MAPK10: variants seen among roughly 807,000 people sequenced by gnomAD.
MAPK10 encodes the protein mitogen-activated protein kinase 10, also known as JNK3 alpha protein kinase.
MAPK10 carries 25 observed loss-of-function variants against 59.3 expected under a neutral mutation model. The ratio of observed to expected loss-of-function variants is 0.42; its 90% CI spans 0.31 to 0.59. MAPK10 has a LOEUF of 0.59. Among genes scored for constraint, MAPK10 ranks in the 20% least tolerant of loss-of-function variants. The probability of loss-of-function intolerance (pLI) is 0.15; values close to 1 mark genes in which losing one functional copy is unlikely to be tolerated. For missense variants in MAPK10, 351 were observed against 568.9 expected (o/e 0.62, Z 3.90); for synonymous variants, 190 against 200.5 (o/e 0.95, Z 0.44).
intron 1 of MAPK10, among the ~76,000 whole-genome samples, chr4:86,431,995 G>T (rs1202884069): frequency 6.6e-6 from 1 of 152,164 alleles, no homozygotes; most frequent in African/African-American, 2.4e-5. Flanking sequence ...AGGAATGCTG[G>T]TCAGATGTTT....
At chr4:86,236,019 T>C (rs1270983045) in intron 2 of MAPK10, among the ~76,000 whole-genome samples, 1 of 152,132 alleles carries the variant, frequency 6.6e-6, no homozygotes, top group Non-Finnish European at 1.5e-5. Flanking sequence ...GCTTGCCTTT[T>C]TCAGAATCTG....
chr4:86,357,842 T>C (rs887812619), intron 1 of MAPK10: 1 of 153,154 alleles, frequency 6.5e-6, no homozygotes, highest in Non-Finnish European at 1.5e-5. Context: ...ACTGTGAGGA[T>C]TTTTTAAGAA....
At chr4:86,471,248 G>C (rs527590622) in intron 1 of MAPK10, among the ~76,000 whole-genome samples, 1 of 128,938 alleles carries the variant, frequency 7.8e-6, no homozygotes, top group East Asian at 2.2e-4. Context: ...CAGCCTGAGC[G>C]ACACAGCAAG....
chr4:86,101,196 C>T lies in MAPK10; in HGVS notation c.586G>A (p.Val196Ile). ...TTCAATGTGCAATCAGACTTGACTA[C>T]AATGTTACTTGGTTTTAAATCCTAA... ...IHRDLKPSNI[V>I]VKSDCTLKIL... The change falls in exon 8 of 14, where the codon GTA becomes ATA. Residue 196 changes from valine to isoleucine, a missense_variant. Val to Ile is a conservative substitution (Grantham distance 29, BLOSUM62 3). Transcript: ENST00000641462. 6.2e-7 allele frequency: 1 copy of T among 1,613,668 alleles called. No homozygotes were observed. The highest frequency in any genetic ancestry group is 8.5e-7 in the Non-Finnish European group (1 of 1,179,818).
At chr4:86,060,872 T>C (rs1256786618) in intron 11 of MAPK10, among the ~76,000 whole-genome samples, 1 of 152,168 alleles carries the variant, frequency 6.6e-6, no homozygotes, top group Non-Finnish European at 1.5e-5. Context: ...AGAAATGTTG[T>C]GGAATATTTC....
chr4:86,146,478 G>A (rs924464768), intron 4 of MAPK10, among the ~76,000 whole-genome samples: 1 of 152,080 alleles, frequency 6.6e-6, no homozygotes, highest in East Asian at 1.9e-4. Context: ...CTTTTCTTGG[G>A]CACACAGCTC....
chr4:86,023,847 ATAT>A (rs1326945776), intron 13 of MAPK10: 62 of 128,240 alleles, frequency 4.8e-4, no homozygotes, highest in Admixed American at 3.3e-3. Flanking sequence ...ATATATATAT[ATAT>A]AAAATGAATG....
chr4:86,310,294 G>A (rs1282531133), intron 2 of MAPK10, among the ~76,000 whole-genome samples: 1 of 152,104 alleles, frequency 6.6e-6, no homozygotes, highest in South Asian at 2.1e-4. Context: ...TGTGTCACAG[G>A]CCCATCCTAA....
upstream of MAPK10, among the ~76,000 whole-genome samples, chr4:86,362,157 C>T (rs919905593): frequency 6.6e-6 from 1 of 151,934 alleles, no homozygotes; most frequent in Non-Finnish European, 1.5e-5. Context: ...TAAATATATA[C>T]AATTATTGTC....
At position 86,013,648 on chromosome 4, in the gene MAPK10, A is replaced by C. The variant is rs1323033849; in HGVS notation, c.*3580T>G. 2 of 151,914 alleles carry C rather than the reference A, an allele frequency of 1.3e-5. No individual in the cohort carries two copies. Among genetic ancestry groups the C allele is most frequent in the Non-Finnish European group, 2.9e-5 (2 of 67,960 alleles). 9.4% of individuals were successfully genotyped at this position (151,914 alleles called of 1,614,324 possible). On this transcript the variant is annotated 3_prime_UTR_variant, in exon 14 of 14. Coordinates refer to ENST00000641462, the MANE Select transcript of MAPK10 (RefSeq NM_138982.4). ...TAAAAGGTTTTACATATTTTTATCT[A>C]TTTTTTACTAGTTCCATTTACTAAG...
At chr4:86,274,548 C>T (rs1178783636) in intron 2 of MAPK10, among the ~76,000 whole-genome samples, 1 of 151,700 alleles carries the variant, frequency 6.6e-6, no homozygotes, top group Non-Finnish European at 1.5e-5. Context: ...TCCTATCTTG[C>T]TTTTCTCTTG....
chr4:86,381,964 T>G lies in MAPK10; in HGVS notation c.-121-27320A>C, dbSNP rs535850670. ...TGGGAGAATAAAACCCTTGACATTG[T>G]TTTTCCTCCCTCCTCAGGGTTTCTC... On this transcript the variant is annotated intron_variant, in intron 1 of 13. Coordinates refer to the MAPK10 transcript ENST00000361569. 2.6e-5 allele frequency among the ~76,000 whole-genome samples: 4 copies of G among 152,086 alleles called. No individual in the cohort carries two copies. The South Asian group carries it at 8.3e-4, about 32-fold the overall frequency.
At chr4:86,087,830 ATCC>A (rs2052231368) in intron 9 of MAPK10, among the ~76,000 whole-genome samples, 1 of 152,138 alleles carries the variant, frequency 6.6e-6, no homozygotes, top group Admixed American at 6.5e-5. Context: ...ACAAATATTA[ATCC>A]TCAAGTGTGT....
intron 1 of MAPK10, among the ~76,000 whole-genome samples, chr4:86,509,848 C>T (rs184205460): frequency 6.2e-4 from 94 of 152,170 alleles, no homozygotes; most frequent in Non-Finnish European, 9.6e-4. Context: ...GTTTGTATTA[C>T]TATGCTTTAC....
intron 1 of MAPK10, among the ~76,000 whole-genome samples, chr4:86,564,325 A>T (rs1315591801): frequency 6.6e-6 from 1 of 152,172 alleles, no homozygotes; most frequent in Non-Finnish European, 1.5e-5. Flanking sequence ...CTGGCCATGG[A>T]AAGGCATTGG....
At chr4:86,589,563 TC>T (rs1341442590) in intron 1 of MAPK10, among the ~76,000 whole-genome samples, 1 of 151,786 alleles carries the variant, frequency 6.6e-6, no homozygotes, top group East Asian at 1.9e-4. Context: ...GTGCCTGTAA[TC>T]CCAGCTATTC....
intron 2 of MAPK10, among the ~76,000 whole-genome samples, chr4:86,203,363 C>T (rs777675049): frequency 3.0e-4 from 46 of 151,992 alleles, no homozygotes; most frequent in Admixed American, 6.6e-4. Flanking sequence ...CGTGTTTTCA[C>T]AGCTTAGATC....
intron 4 of MAPK10, among the ~76,000 whole-genome samples, chr4:86,134,904 T>G (rs1009465035): frequency 5.9e-5 from 9 of 152,184 alleles, no homozygotes; most frequent in Non-Finnish European, 5.9e-5. Flanking sequence ...TTCCCTTTCC[T>G]AGTCAAAGAA....
In MAPK10 at chr4:86,419,403, G is replaced by A. The variant is rs574959249; in HGVS notation, c.-122+33627C>T. Reference sequence around the variant, plus strand: ...ACAATTTATCTCTATGGCATGATGTGTATATACATTTATGTACACAAAAAT... The same window carrying A: ...ACAATTTATCTCTATGGCATGATGTATATATACATTTATGTACACAAAAAT... On this transcript the variant is annotated intron_variant, in intron 1 of 13. Coordinates refer to the MAPK10 transcript ENST00000361569. Among the ~76,000 whole-genome samples the A allele has an allele frequency of 2.0e-5, 3 of 152,118 alleles. No homozygotes were observed. In the East Asian group the frequency reaches 5.8e-4, roughly 29 times the overall value.
Sources: allele counts gnomAD v4.1 joint callset (sites outside exome capture counted in the v4.1 genomes callset), GRCh38; gene constraint gnomAD v4.1.1; transcripts MANE v1.5; gene names NCBI Gene and HGNC (gene_info 2026-07-23, HGNC 2026-07-21).